Variants in PCDHGA2 observed in about 807,000 individuals in gnomAD.
The protein encoded by PCDHGA2 is protocadherin gamma subfamily A, 2, also known as protocadherin gamma-A2.
A neutral mutation model predicts 59.2 loss-of-function variants in PCDHGA2; 40 were observed. The ratio of observed to expected loss-of-function variants is 0.68; its 90% CI spans 0.52 to 0.88. The LOEUF is 0.88. Among genes scored for constraint, PCDHGA2 ranks in the 40% least tolerant of loss-of-function variants. The pLI is 0.00. For synonymous variants in PCDHGA2, 560 were observed against 526.0 expected (o/e 1.06, Z -0.89); for missense variants, 1,226 against 1,204.0 (o/e 1.02, Z -0.27).
chr5:141,370,529 G>T (rs767611078), intron 1 of PCDHGA2: 4 of 1,613,824 alleles, frequency 2.5e-6, no homozygotes, highest in South Asian at 1.1e-5. Flanking sequence ...ACAGGGGCTC[G>T]CTGGTAGGGA....
intron 1 of PCDHGA2, chr5:141,383,640 C>A (rs1305472453): frequency 3.1e-6 from 5 of 1,613,848 alleles, no homozygotes; most frequent in Non-Finnish European, 4.2e-6. Flanking sequence ...TGCCTCAGTA[C>A]CAAGTAACTG....
At chr5:141,433,091 A>C in intron 1 of PCDHGA2, 1 of 1,614,182 alleles carries the variant, frequency 6.2e-7, no homozygotes, top group Non-Finnish European at 8.5e-7. Flanking sequence ...CTATGCAGAC[A>C]TGCTCGTCAG....
Position 141,491,077 on chromosome 5 carries a change from T to TAGGA in PCDHGA2, c.2425-3730_2425-3729insAGGA, listed in dbSNP as rs752090443. 1.2e-6 allele frequency: 2 copies of TAGGA among 1,614,166 alleles called. No homozygotes were observed. Among genetic ancestry groups the TAGGA allele is most frequent in the Admixed American group, 3.3e-5 (2 of 60,014 alleles). On this transcript the variant is annotated intron_variant, in intron 1 of 3. Transcript: ENST00000394576. This position sits in a 1 kb window ranked among gnomAD's most constrained non-coding sequence, Gnocchi z 6.9. The stretch of plus-strand genomic sequence containing the variant: ...GCTCTCCTACTCACTGTTGCCACAG[T>TAGGA]CCACAGCCCCAGGACTGTTCCTCGT...
chr5:141,404,718 C>G (rs747745561), intron 1 of PCDHGA2: 1 of 1,614,072 alleles, frequency 6.2e-7, no homozygotes, highest in Admixed American at 1.7e-5. Context: ...TACCTGGTGA[C>G]CAAGGTGGTG....
At chr5:141,361,647 C>T (rs749825779) in intron 1 of PCDHGA2, 22 of 1,613,724 alleles carry the variant, frequency 1.4e-5, no homozygotes, top group South Asian at 3.3e-5. Flanking sequence ...TTTTATCCTA[C>T]GTGTCCGTGA....
At chr5:141,378,945 G>A (rs1775265317) in intron 1 of PCDHGA2, 1 of 152,196 alleles carries the variant, frequency 6.6e-6, no homozygotes, top group Admixed American at 6.5e-5. Context: ...TGGAATGAAT[G>A]GAGTACAGGG....
rs200491568 is a variant in PCDHGA2, at chr5:141,493,146, G to A, written c.2425-1661G>A. 9.6e-6 allele frequency among the ~76,000 whole-genome samples: 1 copy of A among 104,172 alleles called. No homozygotes were observed. The highest frequency in any genetic ancestry group is 3.1e-5 in the African/African-American group (1 of 32,680). 68.3% of individuals were successfully genotyped at this position (104,172 alleles called of 152,430 possible). A position where few individuals can be genotyped will look rare whatever the true frequency, so the allele number is the denominator to read the frequency against. On this transcript the variant is annotated intron_variant, in intron 1 of 3. Transcript: ENST00000394576. The surrounding 1 kb of genome is among the most constrained non-coding windows in gnomAD (Gnocchi z 4.3). ...AGGACTGTATTTTGAAACACCCCCA[G>A]GTGATTTTGATAGCTGATTGAGAGA... is the stretch of plus-strand genomic sequence containing the variant.
At chr5:141,362,612 G>T (rs774081313) in intron 1 of PCDHGA2, 1 of 1,553,624 alleles carries the variant, frequency 6.4e-7, no homozygotes, top group Admixed American at 1.9e-5. Flanking sequence ...CCTAATTTGG[G>T]TAGGAAGTTC....
At chr5:141,399,952 G>A in intron 1 of PCDHGA2, 1 of 1,612,186 alleles carries the variant, frequency 6.2e-7, no homozygotes, top group Non-Finnish European at 8.5e-7. Flanking sequence ...GCAGGCTAGC[G>A]AGCCCGGGCT....
intron 1 of PCDHGA2, chr5:141,372,225 G>A (rs1326941167): frequency 6.8e-6 from 11 of 1,613,368 alleles, no homozygotes; most frequent in Non-Finnish European, 9.3e-6. Context: ...CATTGTGCAG[G>A]CCAGCGAGCC....
chr5:141,460,092 T>C (rs186695697), intron 1 of PCDHGA2, among the ~76,000 whole-genome samples: 37 of 152,056 alleles, frequency 2.4e-4, no homozygotes, highest in Admixed American at 9.8e-4. Context: ...ATAATAATTA[T>C]ACATGTAATT....
At chr5:141,392,775 A>G in intron 1 of PCDHGA2, 1 of 1,524,280 alleles carries the variant, frequency 6.6e-7, no homozygotes, top group Non-Finnish European at 8.8e-7. Context: ...CCATTTATGC[A>G]CAGTGAAGAT....
At chr5:141,360,879 G>A in intron 1 of PCDHGA2, 1 of 1,614,000 alleles carries the variant, frequency 6.2e-7, no homozygotes, top group South Asian at 1.1e-5. Flanking sequence ...ACGTGTACAG[G>A]GTCACCCTGA....
chr5:141,389,718 C>G, intron 1 of PCDHGA2: 5 of 1,612,622 alleles, frequency 3.1e-6, no homozygotes, highest in Non-Finnish European at 4.2e-6. Flanking sequence ...GGCTAGCGAG[C>G]CCGGGCTCTT....
intron 1 of PCDHGA2, among the ~76,000 whole-genome samples, chr5:141,406,301 A>C (rs1447923303): frequency 6.6e-6 from 1 of 151,966 alleles, no homozygotes; most frequent in Non-Finnish European, 1.5e-5. Context: ...TGAGGTGTGA[A>C]CCACCTCACC....
intron 1 of PCDHGA2, chr5:141,366,450 TC>T (rs1764566733): frequency 6.2e-7 from 1 of 1,614,230 alleles, no homozygotes; most frequent in Non-Finnish European, 8.5e-7. Flanking sequence ...TTCCTGGCCT[TC>T]GTCATCGTGC....
At position 141,505,403 on chromosome 5, in the gene PCDHGA2, G is replaced by A; in HGVS notation, c.2494G>A (p.Gly832Ser). The A allele has an allele frequency of 6.2e-7, 1 of 1,614,186 alleles. No individual in the cohort carries two copies. The highest frequency in any genetic ancestry group is 8.5e-7 in the Non-Finnish European group (1 of 1,180,038). ...QRPGTSGSQN[G>S]DDTGTWPNNQ... ...CTACTCTCTCCCCAGCTCCCAAAAT[G>A]GCGATGACACCGGCACCTGGCCCAA... Residue 832 changes from glycine (G) to serine (S), a missense_variant, in exon 3 of 4, where the codon GGC (glycine) becomes AGC (serine). Coordinates refer to ENST00000394576, the MANE Select transcript of PCDHGA2 (RefSeq NM_018915.4).
chr5:141,478,911 T>TA, intron 1 of PCDHGA2: 1 of 871,162 alleles, frequency 1.1e-6, no homozygotes, highest in Non-Finnish European at 1.7e-6. Flanking sequence ...AGCTGCTGGA[T>TA]ACCTCTAACC....
chr5:141,484,532 G>A (rs1421387882), intron 1 of PCDHGA2, among the ~76,000 whole-genome samples: 1 of 152,182 alleles, frequency 6.6e-6, no homozygotes, highest in Non-Finnish European at 1.5e-5. Context: ...TTGAGTATAT[G>A]GCAGTGGTTC....
Sources: gnomAD v4.1 joint callset for allele counts (sites outside exome capture counted in the v4.1 genomes callset) on GRCh38, gnomAD v4.1.1 for gene constraint, Gnocchi (gnomAD v3.1) non-coding constraint, MANE v1.5 for transcripts, NCBI Gene and HGNC (gene_info 2026-07-23, HGNC 2026-07-21) for gene names.